The following EPHA6 variants were observed in gnomAD, a reference collection of about 807,000 sequenced individuals.
EPHA6 encodes ephrin type-A receptor 6.
A neutral mutation model predicts 112.0 loss-of-function variants in EPHA6; 50 were observed. That is an observed-to-expected ratio of 0.45 (90% CI 0.36 to 0.56). The LOEUF is 0.56. EPHA6 is among the 20% of genes least tolerant of loss of function. The probability of loss-of-function intolerance (pLI) is 0.00; values close to 1 mark genes in which losing one functional copy is unlikely to be tolerated. For synonymous variants in EPHA6, 529 were observed against 490.7 expected (o/e 1.08, Z -1.03); for missense variants, 1,280 against 1,417.4 (o/e 0.90, Z 1.56).
chr3:97,169,802 A>G (rs899116160), intron 3 of EPHA6, among the ~76,000 whole-genome samples: 3 of 152,144 alleles, frequency 2.0e-5, no homozygotes, highest in Non-Finnish European at 4.4e-5. Context: ...AAATTTGTAA[A>G]GATTTTAACT....
At chr3:96,939,527 C>A (rs2040811542) in intron 2 of EPHA6, among the ~76,000 whole-genome samples, 1 of 152,064 alleles carries the variant, frequency 6.6e-6, no homozygotes, top group Non-Finnish European at 1.5e-5. Flanking sequence ...AGCAGTCTAT[C>A]AATTTTGTTG....
At chr3:97,248,452 G>A (rs770525631) in intron 5 of EPHA6, among the ~76,000 whole-genome samples, 7 of 152,060 alleles carry the variant, frequency 4.6e-5, no homozygotes, top group South Asian at 4.1e-4. Flanking sequence ...AAAGGAAAAC[G>A]TTAATCATGG....
chr3:97,641,870 C>T (rs1308766606), intron 14 of EPHA6, among the ~76,000 whole-genome samples: 1 of 151,830 alleles, frequency 6.6e-6, no homozygotes, highest in Non-Finnish European at 1.5e-5. Flanking sequence ...GGGAGGGGCG[C>T]CCGCCATTGC....
intron 3 of EPHA6, among the ~76,000 whole-genome samples, chr3:97,214,940 T>C (rs2108520914): frequency 6.6e-6 from 1 of 152,330 alleles, no homozygotes; most frequent in Admixed American, 6.5e-5. Context: ...ACATAAATGA[T>C]ACTGTTTTTG....
chr3:97,279,439 C>T (rs957046807), intron 5 of EPHA6, among the ~76,000 whole-genome samples: 6 of 151,256 alleles, frequency 4.0e-5, no homozygotes, highest in Non-Finnish European at 8.8e-5. Context: ...TAAAATGAGC[C>T]ATCATAAGCA....
chr3:96,945,596 T>G (rs1576128323), intron 2 of EPHA6, among the ~76,000 whole-genome samples: 1 of 152,370 alleles, frequency 6.6e-6, no homozygotes, highest in South Asian at 2.1e-4. Flanking sequence ...AATAACTCGA[T>G]ATTACCTATT....
At chr3:97,433,014 A>G (rs2089610382) in intron 6 of EPHA6, among the ~76,000 whole-genome samples, 1 of 152,188 alleles carries the variant, frequency 6.6e-6, no homozygotes, top group Admixed American at 6.5e-5. Context: ...AGAAACTATA[A>G]AAGAATTAGA....
chr3:97,312,514 G>A (rs1026356631), intron 5 of EPHA6, among the ~76,000 whole-genome samples: 1 of 151,548 alleles, frequency 6.6e-6, no homozygotes, highest in Non-Finnish European at 1.5e-5. Flanking sequence ...TATTAGGGAT[G>A]TTCAACCAGT....
At chr3:97,489,851 T>C (rs1022360735) in intron 10 of EPHA6, among the ~76,000 whole-genome samples, 7 of 152,148 alleles carry the variant, frequency 4.6e-5, no homozygotes, top group Non-Finnish European at 8.8e-5. Context: ...GTCTATCAAT[T>C]TATTCTTGGT....
At chr3:97,731,632 A>AGGTTTG (rs2035040537) in intron 15 of EPHA6, among the ~76,000 whole-genome samples, 1 of 152,010 alleles carries the variant, frequency 6.6e-6, no homozygotes, top group Non-Finnish European at 1.5e-5. Flanking sequence ...AATCAGTTTG[A>AGGTTTG]GGTTTGGCTT....
At chr3:97,239,987 A>G (rs1048078429) in intron 4 of EPHA6, among the ~76,000 whole-genome samples, 1 of 151,852 alleles carries the variant, frequency 6.6e-6, no homozygotes, top group Admixed American at 6.6e-5. Context: ...CATAACCTTA[A>G]TGTAATTATT....
At chr3:97,150,641 C>T (rs2076149406) in intron 3 of EPHA6, among the ~76,000 whole-genome samples, 1 of 152,096 alleles carries the variant, frequency 6.6e-6, no homozygotes, top group Admixed American at 6.6e-5. Flanking sequence ...AGTTATTTGT[C>T]TCTGATCCAG....
intron 12 of EPHA6, among the ~76,000 whole-genome samples, chr3:97,600,827 G>T (rs946831932): frequency 1.3e-5 from 2 of 151,450 alleles, no homozygotes; most frequent in Admixed American, 1.3e-4. Flanking sequence ...GCTACGTGAT[G>T]CATTTGATAT....
chr3:97,268,121 C>T (rs1031198045), intron 5 of EPHA6, among the ~76,000 whole-genome samples: 3 of 152,120 alleles, frequency 2.0e-5, no homozygotes, highest in Admixed American at 6.5e-5. Flanking sequence ...ATGCCAGCTA[C>T]ACCTCCAGGC....
At chr3:97,600,187 A>G (rs2093631758) in intron 12 of EPHA6, among the ~76,000 whole-genome samples, 2 of 150,646 alleles carry the variant, frequency 1.3e-5, no homozygotes, top group Admixed American at 1.3e-4. Context: ...GGGGTTTTCT[A>G]GATATACAAT....
At chr3:97,182,048 T>G (rs1263556790) in intron 3 of EPHA6, among the ~76,000 whole-genome samples, 1 of 152,132 alleles carries the variant, frequency 6.6e-6, no homozygotes, top group Non-Finnish European at 1.5e-5. Flanking sequence ...AGATGAATCA[T>G]TCTGGTGGCC....
chr3:97,759,400 C>T lies in EPHA6; in HGVS notation c.*10699C>T. Reference sequence around the variant, plus strand: ...TCAAAAAGCTTTGATGTAAAGGGAGCAAGAGAAATAGGATAATAGCTGGAG... The same window carrying T: ...TCAAAAAGCTTTGATGTAAAGGGAGTAAGAGAAATAGGATAATAGCTGGAG... On this transcript the variant is annotated 3_prime_UTR_variant, in exon 18 of 18. Transcript: ENST00000389672. 1 of 225,384 alleles carries T rather than the reference C, an allele frequency of 4.4e-6. No individual in the cohort carries two copies. Among genetic ancestry groups the T allele is most frequent in the African/African-American group, 2.2e-5 (1 of 45,004 alleles). 14.0% of individuals were successfully genotyped at this position (225,384 alleles called of 1,614,324 possible). A position where few individuals can be genotyped will look rare whatever the true frequency, so the allele number is the denominator to read the frequency against.
chr3:97,364,344 G>T (rs941497065), intron 5 of EPHA6, among the ~76,000 whole-genome samples: 3 of 136,358 alleles, frequency 2.2e-5, no homozygotes, highest in Non-Finnish European at 4.8e-5. Flanking sequence ...TGGAGTTTTA[G>T]TTTTTTTTTT....
chr3:97,044,423 T>C (rs1344646227), intron 3 of EPHA6, among the ~76,000 whole-genome samples: 1 of 152,136 alleles, frequency 6.6e-6, no homozygotes, highest in Non-Finnish European at 1.5e-5. Context: ...GCAGGAAGGC[T>C]CAAAACCATT....
Sources: allele counts gnomAD v4.1 joint callset (sites outside exome capture counted in the v4.1 genomes callset), GRCh38; gene constraint gnomAD v4.1.1; transcripts MANE v1.5; gene names NCBI Gene and HGNC (gene_info 2026-07-23, HGNC 2026-07-21).